Variants in TENM4 observed in about 807,000 individuals in gnomAD.
TENM4 encodes teneurin-4.
TENM4 carries 82 observed loss-of-function variants against 243.3 expected under a neutral mutation model. The ratio of observed to expected loss-of-function variants is 0.34; its 90% confidence interval spans 0.28 to 0.40. The LOEUF (loss-of-function observed/expected upper bound fraction) is 0.40. TENM4 is among the 10% of genes least tolerant of loss of function. The probability of loss-of-function intolerance (pLI) is 1.00; values close to 1 mark genes in which losing one functional copy is unlikely to be tolerated. For synonymous variants in TENM4, 1,412 were observed against 1,456.3 expected (o/e 0.97, Z 0.69); for missense variants, 3,138 against 3,673.3 (o/e 0.85, Z 3.77).
At chr11:79,281,883 C>T (rs1246623781) in intron 2 of TENM4, among the ~76,000 whole-genome samples, 3 of 152,204 alleles carry the variant, frequency 2.0e-5, no homozygotes, top group East Asian at 1.9e-4. Flanking sequence ...TCCAATTCAG[C>T]GCTGTACCTT....
chr11:79,131,849 T>G (rs1862009041), intron 4 of TENM4, among the ~76,000 whole-genome samples: 1 of 152,096 alleles, frequency 6.6e-6, no homozygotes, highest in Non-Finnish European at 1.5e-5. Context: ...GAAAAGGCAT[T>G]TCATACAAAT....
chr11:79,018,079 G>C (rs997093034), intron 6 of TENM4, among the ~76,000 whole-genome samples: 31 of 152,230 alleles, frequency 2.0e-4, no homozygotes, highest in African/African-American at 5.1e-4. Flanking sequence ...GATGAGGGCT[G>C]GGGGATGAAG....
At position 78,658,502 on chromosome 11, in the gene TENM4, T is replaced by C; in HGVS notation, c.7866A>G (p.Pro2622=). The C allele has an allele frequency of 6.2e-7, 1 of 1,614,066 alleles. No homozygotes were observed. The highest frequency in any genetic ancestry group is 8.5e-7 in the Non-Finnish European group (1 of 1,179,898). ...TGGCCAGGTCACCTTCTGAAGGTCC[T>C]GGTTTCACAAAGTAATGGGTATCCA... ...DGVDTHYFVK[P]GPSEGDLAIL... is the part of the protein sequence containing the mutation. Residue 2622 remains proline, a synonymous_variant, in exon 34 of 34, where the codon CCA becomes CCG. Transcript: ENST00000278550.
At chr11:79,108,023 A>G (rs1035538541) in intron 4 of TENM4, among the ~76,000 whole-genome samples, 1 of 152,226 alleles carries the variant, frequency 6.6e-6, no homozygotes, top group Admixed American at 6.5e-5. Flanking sequence ...TGCTTAATTC[A>G]TGGGGAAAAG....
intron 18 of TENM4, among the ~76,000 whole-genome samples, chr11:78,764,946 G>A (rs1283379079): frequency 1.3e-5 from 2 of 152,140 alleles, no homozygotes; most frequent in East Asian, 1.9e-4. Context: ...GGGTGTGGGC[G>A]GGGGCAAGGT....
At chr11:79,367,801 A>G (rs1250690106) in intron 1 of TENM4, among the ~76,000 whole-genome samples, 1 of 152,238 alleles carries the variant, frequency 6.6e-6, no homozygotes, top group Non-Finnish European at 1.5e-5. Context: ...TGACCAAAAA[A>G]CACAACTTCT....
chr11:78,919,791 T>C (rs575886062), intron 6 of TENM4, among the ~76,000 whole-genome samples: 3 of 152,192 alleles, frequency 2.0e-5, no homozygotes, highest in Admixed American at 2.0e-4. Context: ...TTTCCATCCT[T>C]ACAGCTGGGA....
intron 6 of TENM4, among the ~76,000 whole-genome samples, chr11:79,053,752 G>C (rs1859863939): frequency 1.3e-5 from 2 of 152,054 alleles, no homozygotes; most frequent in South Asian, 4.1e-4. Context: ...TATTTTGTGG[G>C]GTATGGGTAA....
chr11:79,411,174 C>A (rs552536347), intron 1 of TENM4, among the ~76,000 whole-genome samples: 9 of 152,198 alleles, frequency 5.9e-5, no homozygotes, highest in Admixed American at 2.6e-4. Context: ...GACTGCCTGA[C>A]TCCTGAACCC....
chr11:78,671,894 C>T (rs917093207), intron 31 of TENM4, 139 bp downstream of exon 31: 29 of 1,156,946 alleles, frequency 2.5e-5, no homozygotes, highest in Non-Finnish European at 3.5e-5. Flanking sequence ...CCCATGCCCT[C>T]TGTGGCAGAC....
At chr11:78,785,700 G>A (rs999531312) in intron 16 of TENM4, among the ~76,000 whole-genome samples, 1 of 152,030 alleles carries the variant, frequency 6.6e-6, no homozygotes, top group African/African-American at 2.4e-5. Context: ...TAAATGTAAG[G>A]TATTCCATGG....
intron 12 of TENM4, among the ~76,000 whole-genome samples, chr11:78,838,895 T>C (rs1858185010): frequency 6.6e-6 from 1 of 152,212 alleles, no homozygotes; most frequent in Admixed American, 6.5e-5. Flanking sequence ...GAATGCCACT[T>C]TGCAGACTCG....
chr11:79,315,608 G>A (rs1352679228), intron 1 of TENM4, among the ~76,000 whole-genome samples: 14 of 152,196 alleles, frequency 9.2e-5, no homozygotes, highest in Admixed American at 8.5e-4. Context: ...TCCCATGGGA[G>A]CTTGTTAGAC....
intron 2 of TENM4, among the ~76,000 whole-genome samples, chr11:79,244,439 A>ATGTGTG (rs10538527): frequency 6.7e-6 from 1 of 149,694 alleles, no homozygotes; most frequent in East Asian, 2.0e-4. Context: ...GTATGTGTCT[A>ATGTGTG]TGTGTGTGTG....
intron 2 of TENM4, among the ~76,000 whole-genome samples, chr11:79,280,708 C>G (rs191488152): frequency 6.6e-6 from 1 of 152,166 alleles, no homozygotes; most frequent in Non-Finnish European, 1.5e-5. Flanking sequence ...TCTTGAGAGG[C>G]CCCTGGGTAT....
At chr11:78,923,821 T>C (rs1856497359) in intron 6 of TENM4, among the ~76,000 whole-genome samples, 2 of 145,512 alleles carry the variant, frequency 1.4e-5, no homozygotes, top group African/African-American at 2.5e-5. Flanking sequence ...ATTACAAGCA[T>C]GAGCCACCAT....
chr11:79,178,788 C>G (rs1286292990), intron 3 of TENM4, among the ~76,000 whole-genome samples: 1 of 152,200 alleles, frequency 6.6e-6, no homozygotes, highest in Non-Finnish European at 1.5e-5. Flanking sequence ...ATCTGGCACA[C>G]AGTAGGCAAT....
In TENM4 at chr11:79,328,585, G is replaced by A. The variant is rs74811492; in HGVS notation, c.-320-31042C>T. Among the ~76,000 whole-genome samples, 1,392 of 152,144 alleles carry A rather than the reference G, an allele frequency of 9.1e-3. 24 individuals carry two copies. The highest frequency in any genetic ancestry group is 0.032 in the African/African-American group (1,322 of 41,494). ...CAGTTCTGTATGCCTGGTAAGAGGC[G>A]GTGGCGGTGGTGGTGGCGGTGTGGG... On this transcript the variant is annotated intron_variant, in intron 1 of 33. Coordinates refer to ENST00000278550, the MANE Select transcript of TENM4 (RefSeq NM_001098816.3).
intron 1 of TENM4, among the ~76,000 whole-genome samples, chr11:79,341,008 G>A (rs528054346): frequency 8.5e-5 from 13 of 152,234 alleles, no homozygotes; most frequent in African/African-American, 2.2e-4. Flanking sequence ...TGAGAGACTC[G>A]GAGTTAGTGT....
Sources: gnomAD v4.1 joint callset for allele counts (sites outside exome capture counted in the v4.1 genomes callset) on GRCh38, gnomAD v4.1.1 for gene constraint, MANE v1.5 for transcripts, NCBI Gene and HGNC (gene_info 2026-07-23, HGNC 2026-07-21) for gene names.